Variants in STK38 observed in about 807,000 individuals in gnomAD.
The protein encoded by STK38 is serine/threonine-protein kinase 38.
Under a neutral mutation model 59.0 loss-of-function variants are expected in STK38, and 26 were observed. The ratio of observed to expected loss-of-function variants is 0.44; its 90% CI spans 0.32 to 0.61. The LOEUF is 0.61. Ranked by LOEUF, STK38 falls within the 20% of genes least tolerant of loss-of-function variation. The pLI is 0.04. For missense variants in STK38, 433 were observed against 566.0 expected (o/e 0.76, Z 2.38); for synonymous variants, 175 against 176.6 (o/e 0.99, Z 0.07).
Position 36,523,882 on chromosome 6 carries a change from G to A in STK38, c.306+459C>T, listed in dbSNP as rs140730660. On this transcript the variant is annotated intron_variant, in intron 4 of 13. Transcript: ENST00000229812. ...GAGATACACTATTAGTTTCCTTCTC[G>A]AGAGGCAGTGCAGTACTGGGAAAAG... Among the ~76,000 whole-genome samples the A allele has an allele frequency of 1.6e-4, 24 of 152,274 alleles. No homozygotes were observed. The East Asian group carries it at 3.9e-3, about 24-fold the overall frequency.
intron 2 of STK38, among the ~76,000 whole-genome samples, chr6:36,537,533 T>A (rs559703787): frequency 6.6e-6 from 1 of 152,208 alleles, no homozygotes; most frequent in East Asian, 1.9e-4. Context: ...AAAGATATAG[T>A]CAGAAGACAG....
rs1271697795 is a variant in STK38, at chr6:36,495,881, T to C, written c.1301A>G (p.Lys434Arg). The part of the protein sequence containing the change: ...ATSNHPETDY[K>R]NKDWVFINYT... ...ATTGATGAAGACCCAGTCTTTGTTC[T>C]TGTAGTCAGTCTCAGGATGATTACT... Residue 434 changes from lysine to arginine, a missense_variant, in exon 14 of 14, where the codon AAG becomes AGG. Coordinates refer to ENST00000229812, the MANE Select transcript of STK38 (RefSeq NM_007271.4). 2.5e-6 allele frequency: 4 copies of C among 1,613,980 alleles called. No homozygotes were observed. The African/African-American group carries it at 5.3e-5, about 22-fold the overall frequency.
rs372968919 is a variant in STK38 at position 36,496,681 on chromosome 6, G to A, written c.1267+30C>T. The A allele has an allele frequency of 2.0e-6, 3 of 1,520,242 alleles. No homozygotes were observed. In the African/African-American group the frequency reaches 4.1e-5, roughly 21 times the overall value. 94.2% of individuals were successfully genotyped at this position (1,520,242 alleles called of 1,614,324 possible). On this transcript the variant is annotated intron_variant, in intron 13 of 13. Coordinates refer to ENST00000229812, the MANE Select transcript of STK38 (RefSeq NM_007271.4). ...TTGGGGGTAAATAATGTGCTTATAA[G>A]GCAGCAGGAGACAATGCTGGTGGTG...
chr6:36,525,764 C>T, intron 2 of STK38, 122 bp from the exon 3 acceptor site: 1 of 716,218 alleles, frequency 1.4e-6, no homozygotes, highest in Non-Finnish European at 2.2e-6. Context: ...CTCAAAATGT[C>T]TCATTAAAAC....
chr6:36,505,135 T>C lies in STK38; in HGVS notation c.834+1448A>G, dbSNP rs188378116. ...TACCCAGACTATATCCCAGACCAAC[T>C]GAATCATAATTTCTGTGGGTGGAAC... On this transcript the variant is annotated intron_variant, in intron 9 of 13. Transcript: ENST00000229812. Among the ~76,000 whole-genome samples the C allele has an allele frequency of 4.6e-4, 70 of 152,288 alleles. 1 individual carries two copies. The East Asian group carries it at 0.013, about 29-fold the overall frequency.
chr6:36,495,651 A>G lies in STK38; in HGVS notation c.*133T>C. The G allele has an allele frequency of 1.7e-6, 2 of 1,181,646 alleles. No homozygotes were observed. Among genetic ancestry groups the G allele is most frequent in the Non-Finnish European group, 2.3e-6 (2 of 859,302 alleles). The allele number at this position is 1,181,646 out of a possible 1,614,324, so 73.2% of individuals were successfully genotyped here. A position where few individuals can be genotyped will look rare whatever the true frequency, so the allele number is the denominator to read the frequency against. On this transcript the variant is annotated 3_prime_UTR_variant, in exon 14 of 14. Coordinates refer to ENST00000229812, the MANE Select transcript of STK38 (RefSeq NM_007271.4). ...TATGGAAGAAAATCCTCTTACTACC[A>G]CATTTCAGGAGACTTTACTATGACA...
At position 36,495,622 on chromosome 6, in the gene STK38, G is replaced by C. The variant is rs1490842555; in HGVS notation, c.*162C>G. 1.2e-6 allele frequency: 1 copy of C among 833,384 alleles called. No homozygotes were observed. Among genetic ancestry groups the C allele is most frequent in the Admixed American group, 3.0e-5 (1 of 32,818 alleles). 51.6% of individuals were successfully genotyped at this position (833,384 alleles called of 1,614,324 possible). A position where few individuals can be genotyped will look rare whatever the true frequency, so the allele number is the denominator to read the frequency against. ...TGTCTTTGTTTACAGTTTTTCAGATGCATTATGGAAGAAAATCCTCTTACT... is the reference window on the plus strand; with the variant it reads ...TGTCTTTGTTTACAGTTTTTCAGATCCATTATGGAAGAAAATCCTCTTACT... On this transcript the variant is annotated 3_prime_UTR_variant, in exon 14 of 14. Coordinates refer to ENST00000229812, the MANE Select transcript of STK38 (RefSeq NM_007271.4).
Position 36,508,488 on chromosome 6 carries a change from C to T in STK38, c.670-886G>A, listed in dbSNP as rs147246903. Reference sequence around the variant, plus strand: ...AATTGTTCATATAGCTTTTCCTCCTCTTATAACATTGGAATAAATTCCAGG... The same window carrying T: ...AATTGTTCATATAGCTTTTCCTCCTTTTATAACATTGGAATAAATTCCAGG... On this transcript the variant is annotated intron_variant, in intron 7 of 13. Coordinates refer to ENST00000229812, the MANE Select transcript of STK38 (RefSeq NM_007271.4). Among the ~76,000 whole-genome samples the T allele has an allele frequency of 3.6e-4, 55 of 152,342 alleles. 1 individual carries two copies. The East Asian group carries it at 0.01, about 29-fold the overall frequency.
At position 36,506,575 on chromosome 6, in the gene STK38, T is replaced by A; in HGVS notation, c.834+8A>T. On this transcript the variant is annotated splice_region_variant and intron_variant, in intron 9 of 13. Coordinates refer to ENST00000229812, the MANE Select transcript of STK38 (RefSeq NM_007271.4). ...TGTAGCATTTCAGAAGCCACAGATA[T>A]TACTTACTAGCTGACGTCTATTTCT... 1.2e-6 allele frequency: 2 copies of A among 1,612,100 alleles called. No homozygotes were observed. Among genetic ancestry groups the A allele is most frequent in the South Asian group, 2.2e-5 (2 of 90,788 alleles).
intron 8 of STK38, 131 bp from the exon 9 acceptor site, chr6:36,506,775 AGAT>A (rs1173242217): frequency 4.1e-6 from 3 of 723,338 alleles, no homozygotes; most frequent in Non-Finnish European, 6.8e-6. Flanking sequence ...CAAAAGCTCC[AGAT>A]GATACATATC....
At chr6:36,543,251 G>A (rs1777982918) in intron 1 of STK38, among the ~76,000 whole-genome samples, 1 of 151,848 alleles carries the variant, frequency 6.6e-6, no homozygotes, top group African/African-American at 2.4e-5. Flanking sequence ...TTTTTTAGTA[G>A]AGACAGGGTT....
intron 9 of STK38, among the ~76,000 whole-genome samples, chr6:36,504,648 G>C (rs1230064756): frequency 6.6e-6 from 1 of 151,624 alleles, no homozygotes. Context: ...ATAGCATCAG[G>C]GCCTTAAGTT....
intron 9 of STK38, 130 bp from the exon 10 acceptor site, chr6:36,500,120 G>C: frequency 1.5e-6 from 1 of 677,954 alleles, no homozygotes. Flanking sequence ...CTGCCCAGTA[G>C]CTTAATGGCA....
chr6:36,502,825 G>A (rs982186718), intron 9 of STK38, among the ~76,000 whole-genome samples: 5 of 152,038 alleles, frequency 3.3e-5, no homozygotes, highest in African/African-American at 4.8e-5. Flanking sequence ...CTCTAAATGA[G>A]ATCTTAGTTT....
intron 7 of STK38, among the ~76,000 whole-genome samples, chr6:36,508,260 A>G (rs1386925276): frequency 6.6e-6 from 1 of 152,126 alleles, no homozygotes; most frequent in Non-Finnish European, 1.5e-5. Context: ...AAAAGTCTAC[A>G]TAATATTCAG....
intron 4 of STK38, among the ~76,000 whole-genome samples, chr6:36,523,729 T>C (rs1021729674): frequency 1.1e-4 from 16 of 152,334 alleles, no homozygotes; most frequent in South Asian, 2.1e-4. Flanking sequence ...TTTCCAAGAA[T>C]TGCGGGGACA....
chr6:36,517,695 C>T (rs777893333), intron 6 of STK38, 22 bp downstream of exon 6: 1 of 1,608,122 alleles, frequency 6.2e-7, no homozygotes. Flanking sequence ...GAAAAAATGA[C>T]CTTTCATCGT....
At chr6:36,535,274 C>A (rs1777762126) in intron 2 of STK38, among the ~76,000 whole-genome samples, 1 of 151,968 alleles carries the variant, frequency 6.6e-6, no homozygotes, top group Non-Finnish European at 1.5e-5. Context: ...CATGGTGAAA[C>A]CCCGTCTCTA....
chr6:36,543,927 C>A (rs953516374), intron 1 of STK38, among the ~76,000 whole-genome samples: 3 of 152,168 alleles, frequency 2.0e-5, no homozygotes, highest in African/African-American at 7.2e-5. Context: ...AGCCACCGCA[C>A]CCAGCCAAGG....
Sources: gnomAD v4.1 joint callset for allele counts (sites outside exome capture counted in the v4.1 genomes callset) on GRCh38, gnomAD v4.1.1 for gene constraint, MANE v1.5 for transcripts, NCBI Gene and HGNC (gene_info 2026-07-23, HGNC 2026-07-21) for gene names.